Variants in ESR2 observed in about 807,000 individuals in gnomAD.
ESR2 encodes estrogen receptor 2, also known as estrogen receptor beta.
In ESR2, 36 loss-of-function variants were observed where a neutral mutation model predicts 49.6. That is an observed-to-expected ratio of 0.73 (90% confidence interval 0.56 to 0.96). The LOEUF (loss-of-function observed/expected upper bound fraction) is 0.96, where lower values mean the gene tolerates loss of function less well. Ranked by LOEUF, ESR2 falls within the 40% of genes least tolerant of loss-of-function variation. The probability of loss-of-function intolerance (pLI) is 0.00; values close to 1 mark genes in which losing one functional copy is unlikely to be tolerated. For synonymous variants in ESR2, 320 were observed against 266.1 expected (o/e 1.20, Z -1.97); for missense variants, 714 against 693.0 (o/e 1.03, Z -0.34).
intron 1 of ESR2, among the ~76,000 whole-genome samples, chr14:64,313,541 A>AAG (rs1567797311): frequency 1.3e-5 from 2 of 150,692 alleles, no homozygotes; most frequent in Non-Finnish European, 3.0e-5. Context: ...AAAAAAAAAA[A>AAG]AAAAGAAAAG....
intron 7 of ESR2, among the ~76,000 whole-genome samples, chr14:64,237,967 C>G (rs2075640834): frequency 1.3e-5 from 2 of 152,036 alleles, no homozygotes; most frequent in Non-Finnish European, 2.9e-5. Flanking sequence ...GATGGTTGCA[C>G]CACATACCGT....
chr14:64,305,649 C>T (rs2077085441), intron 1 of ESR2, among the ~76,000 whole-genome samples: 1 of 151,478 alleles, frequency 6.6e-6, no homozygotes, highest in South Asian at 2.1e-4. Context: ...CCAGCCTGGG[C>T]AACACAGCGA....
rs962796802 is a variant in ESR2, at chr14:64,328,043, T to C, written c.-91+9855A>G. 4.8e-3 allele frequency among the ~76,000 whole-genome samples: 302 copies of C among 62,742 alleles called. 1 individual carries two copies. The highest frequency in any genetic ancestry group is 0.022 in the African/African-American group (289 of 13,188). 41.2% of individuals were successfully genotyped at this position (62,742 alleles called of 152,430 possible). On this transcript the variant is annotated intron_variant, in intron 1 of 8. Transcript: ENST00000358599. ...CTAACATGGTGAAACCTGTCTCTAC[T>C]AAAAATACAAAAAAAAAAAAAAAAA...
intron 1 of ESR2, among the ~76,000 whole-genome samples, chr14:64,293,220 A>G (rs1270068356): frequency 6.6e-6 from 1 of 152,230 alleles, no homozygotes; most frequent in Admixed American, 6.5e-5. Context: ...TCACATGTTC[A>G]CTTTTTAAAT....
chr14:64,227,740 G>A (rs551923717), downstream of ESR2: 26 of 1,555,992 alleles, frequency 1.7e-5, 1 homozygote, highest in African/African-American at 2.6e-4. Context: ...AAGCTGGTTT[G>A]CTCCCCATCT....
intron 1 of ESR2, among the ~76,000 whole-genome samples, chr14:64,328,415 T>C (rs530379296): frequency 6.6e-6 from 1 of 150,694 alleles, no homozygotes; most frequent in African/African-American, 2.4e-5. Flanking sequence ...CAAGACCCTG[T>C]CTCAAAAAAA....
At chr14:64,311,948 A>C (rs548504710) in intron 1 of ESR2, among the ~76,000 whole-genome samples, 54 of 152,348 alleles carry the variant, frequency 3.5e-4, no homozygotes, top group African/African-American at 1.1e-3. Context: ...CTGTGGGTAA[A>C]TACAATAGGC....
intron 7 of ESR2, 66 bp from the exon 8 acceptor site, chr14:64,235,216 T>A: frequency 6.5e-7 from 1 of 1,540,700 alleles, no homozygotes; most frequent in Non-Finnish European, 8.8e-7. Context: ...TGTGCTCAGC[T>A]GTTCCGTGCG....
At chr14:64,323,009 A>G (rs2077343359) in intron 1 of ESR2, among the ~76,000 whole-genome samples, 2 of 152,250 alleles carry the variant, frequency 1.3e-5, no homozygotes, top group African/African-American at 4.8e-5. Context: ...TACTAAGTAG[A>G]GGAAGTTGCA....
At chr14:64,330,813 T>A (rs1276198467) in intron 1 of ESR2, 1 of 151,798 alleles carries the variant, frequency 6.6e-6, no homozygotes, top group Admixed American at 6.6e-5. Context: ...TAATCCCAGC[T>A]ACTCGGGAGG....
intron 1 of ESR2, among the ~76,000 whole-genome samples, chr14:64,334,933 C>T (rs1362038082): frequency 1.3e-5 from 2 of 152,244 alleles, no homozygotes; most frequent in Admixed American, 1.3e-4. Flanking sequence ...CAAGCATGAG[C>T]TACCACGCCC....
intron 7 of ESR2, among the ~76,000 whole-genome samples, chr14:64,246,711 T>C (rs1426047358): frequency 9.4e-6 from 1 of 106,452 alleles, no homozygotes; most frequent in Non-Finnish European, 1.7e-5. Context: ...CACTCTAGCC[T>C]GGCCAACACA....
chr14:64,233,047 A>G lies in ESR2; in HGVS notation c.*90T>C. 1.3e-6 allele frequency: 2 copies of G among 1,525,740 alleles called. No homozygotes were observed. The highest frequency in any genetic ancestry group is 1.8e-6 in the Non-Finnish European group (2 of 1,134,690). The allele number at this position is 1,525,740 out of a possible 1,614,324, so 94.5% of individuals were successfully genotyped here. ...GCCATCACCAAATGAGGGACCACAC[A>G]GCAGAAAGATGAAGCCCAGGCTCCT... On this transcript the variant is annotated 3_prime_UTR_variant, in exon 9 of 9. Coordinates refer to ENST00000341099, the MANE Select transcript of ESR2 (RefSeq NM_001437.3).
intron 7 of ESR2, among the ~76,000 whole-genome samples, chr14:64,238,693 CAGTT>C (rs1406854500): frequency 6.6e-6 from 1 of 151,570 alleles, no homozygotes; most frequent in African/African-American, 2.4e-5. Flanking sequence ...GTAAAAACAT[CAGTT>C]AGGATTCACT....
At position 64,273,282 on chromosome 14, in the gene ESR2, C is replaced by T. The variant is rs1417035027; in HGVS notation, c.536-4371G>A. Among the ~76,000 whole-genome samples, 4 of 152,068 alleles carry T rather than the reference C, an allele frequency of 2.6e-5. 1 individual carries two copies. Among genetic ancestry groups the T allele is most frequent in the Non-Finnish European group, 4.4e-5 (3 of 68,002 alleles). ...CAAACTAGGATAATTAGACTTCTTC[C>T]TTTCCAATTTAGATGCCCTTTATTT... On this transcript the variant is annotated intron_variant, in intron 3 of 8. Coordinates refer to ENST00000341099, the MANE Select transcript of ESR2 (RefSeq NM_001437.3).
In ESR2 at chr14:64,331,148, A is replaced by G. The variant is rs531794003; in HGVS notation, c.-91+6750T>C. Among the ~76,000 whole-genome samples, 373 of 152,318 alleles carry G rather than the reference A, an allele frequency of 2.4e-3. 2 individuals are homozygous for G. The highest frequency in any genetic ancestry group is 7.8e-3 in the African/African-American group (326 of 41,566). On this transcript the variant is annotated intron_variant, in intron 1 of 8. Coordinates refer to the ESR2 transcript ENST00000358599. ...TGTTTACAAAAGACATACTTTAATC[A>G]CATAGAAAGATTGAAAATGAAAAAT...
chr14:64,261,226 A>ATTTTT (rs1567754632), intron 4 of ESR2, among the ~76,000 whole-genome samples: 2 of 70,756 alleles, frequency 2.8e-5, no homozygotes, highest in South Asian at 3.8e-4. Context: ...TAATGCTTTT[A>ATTTTT]TTTTTCTTTT....
rs747695780 is a variant in ESR2, at chr14:64,283,033, G to C, written c.-48C>G. ...AACACCTTGCAAGAAGAGGCACAAA[G>C]GTCATTATAATGTTCTCAAAGATTC... On this transcript the variant is annotated 5_prime_UTR_variant, in exon 2 of 9. Coordinates refer to ENST00000341099, the MANE Select transcript of ESR2 (RefSeq NM_001437.3). 6.4e-7 allele frequency: 1 copy of C among 1,558,588 alleles called. No individual in the cohort carries two copies. The highest frequency in any genetic ancestry group is 1.2e-5 in the South Asian group (1 of 80,552).
At chr14:64,285,301 G>A (rs1051251706) in intron 1 of ESR2, among the ~76,000 whole-genome samples, 1 of 152,172 alleles carries the variant, frequency 6.6e-6, no homozygotes, top group Non-Finnish European at 1.5e-5. Flanking sequence ...CACATTCTTC[G>A]AGCATTCAAG....
Sources: allele counts gnomAD v4.1 joint callset (sites outside exome capture counted in the v4.1 genomes callset), GRCh38; gene constraint gnomAD v4.1.1; transcripts MANE v1.5; gene names NCBI Gene and HGNC (gene_info 2026-07-23, HGNC 2026-07-21).